Variants in MACROD2 observed in about 807,000 individuals in gnomAD.
The protein encoded by MACROD2 is ADP-ribose glycohydrolase MACROD2.
In MACROD2, 36 loss-of-function variants were observed where a neutral mutation model predicts 70.4. That is an observed-to-expected ratio of 0.51 (90% CI 0.39 to 0.68). The LOEUF (loss-of-function observed/expected upper bound fraction) is 0.68, where lower values mean the gene tolerates loss of function less well. Among genes scored for constraint, MACROD2 ranks in the 30% least tolerant of loss-of-function variants. The probability of loss-of-function intolerance (pLI) is 0.00; values close to 1 mark genes in which losing one functional copy is unlikely to be tolerated. For missense variants in MACROD2, 496 were observed against 538.4 expected (o/e 0.92, Z 0.78); for synonymous variants, 172 against 178.8 (o/e 0.96, Z 0.30).
intron 4 of MACROD2, among the ~76,000 whole-genome samples, chr20:14,554,024 C>T (rs1978852902): frequency 6.6e-6 from 1 of 152,138 alleles, no homozygotes; most frequent in African/African-American, 2.4e-5. Flanking sequence ...CCCAGGTCTT[C>T]TACAGCTGTT....
chr20:15,654,513 G>C (rs1220399407), intron 8 of MACROD2, among the ~76,000 whole-genome samples: 1 of 152,188 alleles, frequency 6.6e-6, no homozygotes, highest in Non-Finnish European at 1.5e-5. Flanking sequence ...AGCCAAAGTA[G>C]ATATCTCTCC....
At chr20:14,167,767 A>G (rs1324040458) in intron 3 of MACROD2, among the ~76,000 whole-genome samples, 5 of 152,202 alleles carry the variant, frequency 3.3e-5, no homozygotes, top group Non-Finnish European at 7.3e-5. Context: ...TTATTGAGTT[A>G]TATCTTTTGT....
At chr20:15,260,276 T>TC (rs368720153) in intron 6 of MACROD2, among the ~76,000 whole-genome samples, 2 of 151,430 alleles carry the variant, frequency 1.3e-5, no homozygotes, top group Non-Finnish European at 3.0e-5. Context: ...TCCCTCTTTA[T>TC]CCCCCCTCCC....
intron 3 of MACROD2, among the ~76,000 whole-genome samples, chr20:14,436,410 C>A (rs1189465564): frequency 6.6e-6 from 1 of 152,146 alleles, no homozygotes; most frequent in African/African-American, 2.4e-5. Flanking sequence ...TGCTTCCCAC[C>A]TTTTCCGAAA....
rs185933992 is a variant in MACROD2, at chr20:14,936,604, T to C, written c.418+251645T>C. On this transcript the variant is annotated intron_variant, in intron 5 of 17. Transcript: ENST00000684519. ...GAGCTGATCCAGGTTATATGGGATC[T>C]GAAGCTTTTACAATTTTAAAGGTCC... Among the ~76,000 whole-genome samples the C allele has an allele frequency of 2.0e-4, 30 of 152,000 alleles. No homozygotes were observed. In the East Asian group the frequency reaches 5.2e-3, roughly 26 times the overall value.
chr20:15,679,132 G>A (rs1261433918), intron 8 of MACROD2, among the ~76,000 whole-genome samples: 1 of 151,882 alleles, frequency 6.6e-6, no homozygotes, highest in Non-Finnish European at 1.5e-5. Flanking sequence ...GGCTGCTTGG[G>A]AGGCTAAGGC....
At chr20:15,244,216 G>T (rs1253759457) in intron 6 of MACROD2, among the ~76,000 whole-genome samples, 2 of 152,078 alleles carry the variant, frequency 1.3e-5, no homozygotes, top group Non-Finnish European at 2.9e-5. Context: ...AATTTTCCAT[G>T]TTGGGGCTAT....
intron 8 of MACROD2, among the ~76,000 whole-genome samples, chr20:15,606,513 G>A (rs772491592): frequency 6.6e-6 from 1 of 152,050 alleles, no homozygotes; most frequent in Admixed American, 6.6e-5. Flanking sequence ...AGATTTCTCT[G>A]TGCAGCACTT....
At chr20:15,783,754 C>T (rs2051874687) in intron 8 of MACROD2, among the ~76,000 whole-genome samples, 1 of 152,178 alleles carries the variant, frequency 6.6e-6, no homozygotes, top group Non-Finnish European at 1.5e-5. Flanking sequence ...ACCAGTGTGT[C>T]TCCAGTTGCC....
intron 6 of MACROD2, among the ~76,000 whole-genome samples, chr20:15,391,451 G>A (rs1015601793): frequency 3.3e-5 from 5 of 152,198 alleles, no homozygotes. Flanking sequence ...GAGCTGTGTA[G>A]AACATAGACC....
chr20:15,537,003 G>A (rs1232870069), intron 8 of MACROD2, among the ~76,000 whole-genome samples: 1 of 152,048 alleles, frequency 6.6e-6, no homozygotes, highest in East Asian at 1.9e-4. Flanking sequence ...CCTCTGAGAT[G>A]CTCAAAGGCC....
At chr20:15,431,943 G>T (rs1278365370) in intron 7 of MACROD2, among the ~76,000 whole-genome samples, 1 of 151,906 alleles carries the variant, frequency 6.6e-6, no homozygotes, top group East Asian at 1.9e-4. Flanking sequence ...GCATAGTGAT[G>T]GATTGTGTTA....
At chr20:15,053,507 A>C (rs2075459299) in intron 5 of MACROD2, among the ~76,000 whole-genome samples, 1 of 152,202 alleles carries the variant, frequency 6.6e-6, no homozygotes, top group Non-Finnish European at 1.5e-5. Context: ...ATGACAGCAC[A>C]TCTGTTTACA....
chr20:15,275,599 CG>C (rs1444341368), intron 6 of MACROD2, among the ~76,000 whole-genome samples: 7 of 152,094 alleles, frequency 4.6e-5, no homozygotes, highest in Non-Finnish European at 8.8e-5. Flanking sequence ...GTTGAATAAG[CG>C]GATCATTTCA....
At chr20:15,255,056 G>T (rs1445801384) in intron 6 of MACROD2, among the ~76,000 whole-genome samples, 1 of 149,556 alleles carries the variant, frequency 6.7e-6, no homozygotes, top group Non-Finnish European at 1.5e-5. Flanking sequence ...ATTCCAGAAA[G>T]CTTTGGGTAT....
chr20:14,121,488 C>T (rs2054588710), intron 3 of MACROD2, among the ~76,000 whole-genome samples: 1 of 152,124 alleles, frequency 6.6e-6, no homozygotes, highest in Non-Finnish European at 1.5e-5. Context: ...GTAGGTTGGA[C>T]TCTGGAGGGG....
chr20:14,765,387 T>G (rs1233671659), intron 5 of MACROD2, among the ~76,000 whole-genome samples: 1 of 152,082 alleles, frequency 6.6e-6, no homozygotes, highest in Non-Finnish European at 1.5e-5. Flanking sequence ...CATTTTTTTT[T>G]TCCTACTGAC....
At chr20:14,942,079 G>T (rs2074395270) in intron 5 of MACROD2, among the ~76,000 whole-genome samples, 1 of 151,904 alleles carries the variant, frequency 6.6e-6, no homozygotes, top group Non-Finnish European at 1.5e-5. Flanking sequence ...GATTACAGGT[G>T]CATGCCCCTG....
chr20:14,954,937 A>G (rs1216928391), intron 5 of MACROD2, among the ~76,000 whole-genome samples: 2 of 81,286 alleles, frequency 2.5e-5, no homozygotes, highest in Non-Finnish European at 4.3e-5. Flanking sequence ...TATATATTTA[A>G]TTATATAAGT....
Sources: gnomAD v4.1 joint callset for allele counts (sites outside exome capture counted in the v4.1 genomes callset) on GRCh38, gnomAD v4.1.1 for gene constraint, MANE v1.5 for transcripts, NCBI Gene and HGNC (gene_info 2026-07-23, HGNC 2026-07-21) for gene names.